Variants in MGST1 observed in about 807,000 individuals in gnomAD.
MGST1 encodes microsomal glutathione S-transferase 1.
A neutral mutation model predicts 8.9 loss-of-function variants in MGST1; 5 were observed. That is an observed-to-expected ratio of 0.56 (90% CI 0.29 to 1.19). MGST1 has a LOEUF of 1.19. MGST1 is among the 50% of genes most tolerant of loss of function. The pLI, the probability that MGST1 is intolerant of heterozygous loss-of-function variation, is 0.08. For synonymous variants in MGST1, 54 were observed against 67.8 expected (o/e 0.80, Z 1.00); for missense variants, 182 against 187.4 (o/e 0.97, Z 0.17).
intron 4 of MGST1, among the ~76,000 whole-genome samples, chr12:16,501,098 G>GGAAA (rs1941503201): frequency 1.2e-5 from 1 of 83,822 alleles, no homozygotes; most frequent in African/African-American, 5.4e-5. Context: ...ACTCTGTCTC[G>GGAAA]AAAAAAAAAA....
intron 4 of MGST1, among the ~76,000 whole-genome samples, chr12:16,493,515 AT>A (rs1286168661): frequency 1.3e-5 from 2 of 152,154 alleles, no homozygotes; most frequent in Non-Finnish European, 2.9e-5. Flanking sequence ...GGTTTAAGTT[AT>A]TTTGAATCAA....
At chr12:16,591,764 G>C (rs1229282827), downstream of MGST1, among the ~76,000 whole-genome samples, 2 of 152,024 alleles carry the variant, frequency 1.3e-5, no homozygotes, top group Non-Finnish European at 2.9e-5. This position sits in a 1 kb window ranked among gnomAD's most constrained non-coding sequence, Gnocchi z 4.1. Flanking sequence ...AGTCTGTCTT[G>C]CTCTGCACCC....
At chr12:16,531,449 G>A (rs1444038492) in intron 4 of MGST1, among the ~76,000 whole-genome samples, 3 of 151,846 alleles carry the variant, frequency 2.0e-5, no homozygotes, top group Admixed American at 6.6e-5. Flanking sequence ...ATAAGGTTGA[G>A]AAAAAAATAG....
At chr12:16,558,471 A>G (rs1942272409) in intron 4 of MGST1, among the ~76,000 whole-genome samples, 1 of 152,128 alleles carries the variant, frequency 6.6e-6, no homozygotes, top group African/African-American at 2.4e-5. Context: ...GACACCTTTA[A>G]AATGTATAAA....
chr12:16,488,193 A>G (rs898917905), intron 4 of MGST1, among the ~76,000 whole-genome samples: 3 of 152,194 alleles, frequency 2.0e-5, no homozygotes, highest in Non-Finnish European at 1.5e-5. Flanking sequence ...ATCTTTCTGA[A>G]CAATTTAATT....
chr12:16,488,683 T>G (rs1941416249), intron 4 of MGST1, among the ~76,000 whole-genome samples: 1 of 152,134 alleles, frequency 6.6e-6, no homozygotes, highest in African/African-American at 2.4e-5. Flanking sequence ...AATGTACATA[T>G]TATTAATATG....
At chr12:16,520,880 C>G (rs1215137639) in intron 4 of MGST1, among the ~76,000 whole-genome samples, 1 of 152,144 alleles carries the variant, frequency 6.6e-6, no homozygotes, top group Non-Finnish European at 1.5e-5. Context: ...AAACTTCTTC[C>G]TTACCCCGTC....
At chr12:16,349,226 A>C (rs962077562) in intron 1 of MGST1, 1 of 152,176 alleles carries the variant, frequency 6.6e-6, no homozygotes, top group East Asian at 1.9e-4. Flanking sequence ...CAGATTATTC[A>C]TGTGTTTCAC....
intron 1 of MGST1, among the ~76,000 whole-genome samples, chr12:16,414,357 CTTTTT>C (rs375736641): frequency 9.7e-6 from 1 of 103,152 alleles, no homozygotes; most frequent in Non-Finnish European, 1.9e-5. Context: ...TACCTGATTT[CTTTTT>C]TTTTTTTTTT....
chr12:16,504,001 C>T (rs1030553931), intron 4 of MGST1, among the ~76,000 whole-genome samples: 7 of 152,096 alleles, frequency 4.6e-5, no homozygotes, highest in African/African-American at 1.4e-4. Flanking sequence ...CTAACACTTC[C>T]GGCTCACCCT....
At chr12:16,381,030 G>A (rs150395767), downstream of MGST1, among the ~76,000 whole-genome samples, 238 of 152,204 alleles carry the variant, frequency 1.6e-3, no homozygotes, top group African/African-American at 5.2e-3. Flanking sequence ...TTGAGCCTAT[G>A]TGTGTCTCTG....
At chr12:16,512,948 G>C (rs1383650996) in intron 4 of MGST1, among the ~76,000 whole-genome samples, 1 of 152,184 alleles carries the variant, frequency 6.6e-6, no homozygotes, top group East Asian at 1.9e-4. Context: ...CCAGGACTCA[G>C]AGGGGAATGG....
In MGST1 at chr12:16,364,168, T is replaced by A; in HGVS notation, c.*127T>A. The A allele has an allele frequency of 7.2e-7, 1 of 1,383,288 alleles. No individual in the cohort carries two copies. The highest frequency in any genetic ancestry group is 9.4e-7 in the Non-Finnish European group (1 of 1,065,940). The allele number at this position is 1,383,288 out of a possible 1,614,324, so 85.7% of individuals were successfully genotyped here. On this transcript the variant is annotated 3_prime_UTR_variant, in exon 4 of 4. Transcript: ENST00000396210. This position sits in a 1 kb window ranked among gnomAD's most constrained non-coding sequence, Gnocchi z 5.7. ...GAATTATGAACTGGGGTAAACCCATTTTGAATATTAGCATTGCCAATATCC... is the reference window on the plus strand; with the variant it reads ...GAATTATGAACTGGGGTAAACCCATATTGAATATTAGCATTGCCAATATCC...
At chr12:16,566,078 C>T (rs1942601237) in intron 4 of MGST1, among the ~76,000 whole-genome samples, 1 of 124,466 alleles carries the variant, frequency 8.0e-6, no homozygotes, top group Non-Finnish European at 1.6e-5. Flanking sequence ...AGAATGAAAT[C>T]CTGTCATTTG....
Position 16,389,451 on chromosome 12 carries a change from T to C in MGST1, n.778+5847T>C, listed in dbSNP as rs565143749. Reference sequence around the variant, plus strand: ...TCTTTTTGTCTTTTTTGTGATTCCATGGGTCGGGTCAAATTGACGGCACGG... The same window carrying C: ...TCTTTTTGTCTTTTTTGTGATTCCACGGGTCGGGTCAAATTGACGGCACGG... On this transcript the variant is annotated intron_variant and non_coding_transcript_variant, in intron 1 of 1. Coordinates refer to the MGST1 transcript ENST00000359720. This position sits in a 1 kb window ranked among gnomAD's most constrained non-coding sequence, Gnocchi z 4.6. 1.3e-5 allele frequency among the ~76,000 whole-genome samples: 2 copies of C among 152,294 alleles called. No individual in the cohort carries two copies. Among genetic ancestry groups the C allele is most frequent in the East Asian group, 3.9e-4 (2 of 5,176 alleles).
intron 1 of MGST1, chr12:16,400,066 T>G (rs1028047761): frequency 3.7e-5 from 58 of 1,582,946 alleles, no homozygotes; most frequent in Non-Finnish European, 3.8e-5. Context: ...AGTTAGAGCC[T>G]CTACTTTCTC....
intron 1 of MGST1, among the ~76,000 whole-genome samples, chr12:16,396,808 C>T (rs760934770): frequency 1.9e-4 from 29 of 152,110 alleles, no homozygotes; most frequent in Non-Finnish European, 2.8e-4. Flanking sequence ...AATGGAAATA[C>T]ATCCCATGTT....
chr12:16,479,757 A>T (rs187508786), intron 4 of MGST1, among the ~76,000 whole-genome samples: 2 of 150,984 alleles, frequency 1.3e-5, no homozygotes, highest in African/African-American at 4.9e-5. Flanking sequence ...GCTGGTCTCA[A>T]ACACCGGGCC....
intron 4 of MGST1, among the ~76,000 whole-genome samples, chr12:16,450,250 G>A (rs901257674): frequency 6.6e-6 from 1 of 151,924 alleles, no homozygotes; most frequent in African/African-American, 2.4e-5. Flanking sequence ...CCCTTAGGGT[G>A]TCTGTGTCCA....
Sources: gnomAD v4.1 joint callset for allele counts (sites outside exome capture counted in the v4.1 genomes callset) on GRCh38, gnomAD v4.1.1 for gene constraint, Gnocchi (gnomAD v3.1) non-coding constraint, MANE v1.5 for transcripts, NCBI Gene and HGNC (gene_info 2026-07-23, HGNC 2026-07-21) for gene names.